ZNF804A: variants seen among roughly 807,000 people sequenced by gnomAD.
The protein encoded by ZNF804A is zinc finger protein 804A.
Under a neutral mutation model 16.5 loss-of-function variants are expected in ZNF804A, and 2 were observed. That is an observed-to-expected ratio of 0.12 (90% CI 0.05 to 0.38). ZNF804A has a LOEUF of 0.38. ZNF804A is among the 10% of genes least tolerant of loss of function. ZNF804A has a pLI of 0.99. For synonymous variants in ZNF804A, 534 were observed against 489.6 expected (o/e 1.09, Z -1.20); for missense variants, 1,473 against 1,390.7 (o/e 1.06, Z -0.94).
intron 1 of ZNF804A, among the ~76,000 whole-genome samples, chr2:184,811,882 G>A (rs1694907789): frequency 6.6e-6 from 1 of 152,160 alleles, no homozygotes; most frequent in African/African-American, 2.4e-5. Context: ...TAGCTTTGCA[G>A]ATTAATTCAG....
intron 1 of ZNF804A, among the ~76,000 whole-genome samples, chr2:184,760,430 T>C (rs937366000): frequency 1.3e-5 from 2 of 152,144 alleles, no homozygotes; most frequent in African/African-American, 4.8e-5. Flanking sequence ...AAATTTCAGA[T>C]TTCACTTTGA....
At chr2:184,680,140 G>A (rs1275018652) in intron 1 of ZNF804A, among the ~76,000 whole-genome samples, 1 of 152,188 alleles carries the variant, frequency 6.6e-6, no homozygotes, top group Non-Finnish European at 1.5e-5. Flanking sequence ...GCTGAGAGCT[G>A]AACAGACATC....
intron 2 of ZNF804A, among the ~76,000 whole-genome samples, chr2:184,891,009 T>C (rs1684976324): frequency 6.6e-6 from 1 of 152,094 alleles, no homozygotes; most frequent in Non-Finnish European, 1.5e-5. Context: ...ATACCACCAT[T>C]GTGAGAACAA....
chr2:184,733,126 A>T (rs1693547218), intron 1 of ZNF804A, among the ~76,000 whole-genome samples: 1 of 152,068 alleles, frequency 6.6e-6, no homozygotes, highest in African/African-American at 2.4e-5. Flanking sequence ...GAAGGCTTTG[A>T]GTTTCTCACC....
chr2:184,852,989 A>G (rs888015251), intron 1 of ZNF804A, among the ~76,000 whole-genome samples: 3 of 151,696 alleles, frequency 2.0e-5, no homozygotes, highest in Non-Finnish European at 4.4e-5. Flanking sequence ...ATGTCATTGG[A>G]ATTGTATAAT....
At chr2:184,899,931 A>G (rs527814240) in intron 2 of ZNF804A, among the ~76,000 whole-genome samples, 38 of 152,188 alleles carry the variant, frequency 2.5e-4, no homozygotes, top group Non-Finnish European at 4.0e-4. Context: ...TAAGATAAAT[A>G]CAATTATTTT....
Position 184,652,521 on chromosome 2 carries a change from A to G in ZNF804A, c.111+53451A>G, listed in dbSNP as rs78272648. Reference sequence around the variant, plus strand: ...TAAAACTTTTTTACTAATTCATTGGATTTTGAGAATGGGAGTTTTTGGTGA... The same window carrying G: ...TAAAACTTTTTTACTAATTCATTGGGTTTTGAGAATGGGAGTTTTTGGTGA... On this transcript the variant is annotated intron_variant, in intron 1 of 3. Transcript: ENST00000302277. 1.1e-4 allele frequency among the ~76,000 whole-genome samples: 16 copies of G among 152,206 alleles called. No individual in the cohort carries two copies. The East Asian group carries it at 3.1e-3, about 29-fold the overall frequency.
intron 1 of ZNF804A, among the ~76,000 whole-genome samples, chr2:184,732,412 C>T (rs1693535480): frequency 6.6e-6 from 1 of 151,986 alleles, no homozygotes; most frequent in Admixed American, 6.6e-5. Context: ...ATTTTTTCAC[C>T]AATACTACAC....
rs749835146 is a variant in ZNF804A at position 184,936,585 on chromosome 2, G to A, written c.1189G>A (p.Glu397Lys). Residue 397 changes from glutamate (E) to lysine (K), a missense_variant, in exon 4 of 4, where the codon GAG (glutamate) becomes AAG (lysine). Transcript: ENST00000302277. The stretch of plus-strand genomic sequence containing the variant: ...TGAGGTTGAAAATAAAAATGGTCCC[G>A]AGACATTGGCCCCTTCAAATACTGA... The part of the protein sequence containing the change: ...TTEVENKNGP[E>K]TLAPSNTEEV... 83 of 1,613,810 alleles carry A rather than the reference G, an allele frequency of 5.1e-5. 1 individual carries two copies. The highest frequency in any genetic ancestry group is 1.2e-4 in the South Asian group (11 of 91,078).
chr2:184,762,626 G>A (rs1450290795), intron 1 of ZNF804A, among the ~76,000 whole-genome samples: 1 of 151,890 alleles, frequency 6.6e-6, no homozygotes, highest in African/African-American at 2.4e-5. Context: ...TAACATTAAT[G>A]AAGGCTGTAT....
Position 184,866,387 on chromosome 2 carries a change from A to G in ZNF804A, c.130A>G (p.Asn44Asp), listed in dbSNP as rs759924979. 1.2e-6 allele frequency: 2 copies of G among 1,613,294 alleles called. No individual in the cohort carries two copies. Among genetic ancestry groups the G allele is most frequent in the South Asian group, 2.2e-5 (2 of 91,058 alleles). The change falls in exon 2 of 4, where the codon AAT becomes GAT. Residue 44 changes from asparagine to aspartate, a missense_variant. Asn to Asp is a conservative substitution (Grantham distance 23). Transcript: ENST00000302277. ...NKTLDYAEKENTIAKALEDLK... is the reference protein window; with the variant it reads ...NKTLDYAEKEDTIAKALEDLK... ...TTTTCAGGACTATGCTGAGAAGGAA[A>G]ATACCATAGCAAAAGCTCTGGAAGA...
At position 184,768,267 on chromosome 2, in the gene ZNF804A, T is replaced by C. The variant is rs1694160448; in HGVS notation, c.112-98102T>C. 2.0e-5 allele frequency among the ~76,000 whole-genome samples: 3 copies of C among 152,216 alleles called. No individual in the cohort carries two copies. The South Asian group carries it at 6.2e-4, about 32-fold the overall frequency. On this transcript the variant is annotated intron_variant, in intron 1 of 3. Transcript: ENST00000302277. ...TGTATGCAAATACCATGCCATTTTA[T>C]ATAAGGGACTTAGCATCCTTGAATT...
intron 1 of ZNF804A, among the ~76,000 whole-genome samples, chr2:184,852,464 CTTT>C (rs550514423): frequency 9.0e-6 from 1 of 110,764 alleles, no homozygotes; most frequent in Non-Finnish European, 1.9e-5. Flanking sequence ...TTTGACTATG[CTTT>C]TTTTTTTTTT....
chr2:184,939,193 C>T lies in ZNF804A; in HGVS notation c.*167C>T. 1.3e-6 allele frequency: 1 copy of T among 754,542 alleles called. No individual in the cohort carries two copies. Among genetic ancestry groups the T allele is most frequent in the South Asian group, 2.1e-5 (1 of 48,444 alleles). The allele number at this position is 754,542 out of a possible 1,614,324, so 46.7% of individuals were successfully genotyped here. A position where few individuals can be genotyped will look rare whatever the true frequency, so the allele number is the denominator to read the frequency against. On this transcript the variant is annotated 3_prime_UTR_variant, in exon 4 of 4. Transcript: ENST00000302277. ...TGTAAGTGCAATGATGCAAATAAAT[C>T]CCTAAGTTTCTGATATATAATATTA... is the stretch of plus-strand genomic sequence containing the variant.
At chr2:184,609,863 T>G (rs1691208751) in intron 1 of ZNF804A, among the ~76,000 whole-genome samples, 1 of 152,222 alleles carries the variant, frequency 6.6e-6, no homozygotes, top group South Asian at 2.1e-4. Context: ...ATTGTCTTGT[T>G]TGTGCCCCTC....
rs1558974950 is a variant in ZNF804A, at chr2:184,829,923, CA to C, written c.112-36441del. 8.3e-4 allele frequency among the ~76,000 whole-genome samples: 55 copies of C among 66,474 alleles called. 1 individual carries two copies. The Middle Eastern group carries it at 0.026, about 31-fold the overall frequency. 43.6% of individuals were successfully genotyped at this position (66,474 alleles called of 152,430 possible). On this transcript the variant is annotated intron_variant, in intron 1 of 3. Transcript: ENST00000302277. ...CCAAAAAAAAAAAAAAAAAAAAAAACAAAAACAAAAAAAAAAAAACCACACA... is the reference window on the plus strand; with the variant it reads ...CCAAAAAAAAAAAAAAAAAAAAAAACAAAACAAAAAAAAAAAAACCACACA...
intron 1 of ZNF804A, among the ~76,000 whole-genome samples, chr2:184,619,810 T>G (rs1691388602): frequency 6.6e-6 from 1 of 151,882 alleles, no homozygotes; most frequent in Non-Finnish European, 1.5e-5. Context: ...ACTATAAACA[T>G]ATTTTACAAA....
intron 1 of ZNF804A, among the ~76,000 whole-genome samples, chr2:184,816,117 G>T (rs1317627345): frequency 2.6e-5 from 4 of 151,974 alleles, no homozygotes; most frequent in Non-Finnish European, 4.4e-5. Flanking sequence ...GGCAATAAAA[G>T]ACTCCAGAGA....
At chr2:184,868,215 C>G (rs529196386) in intron 2 of ZNF804A, among the ~76,000 whole-genome samples, 357 of 152,088 alleles carry the variant, frequency 2.3e-3, no homozygotes, top group African/African-American at 8.1e-3. Context: ...ACAGCACAGT[C>G]CTAATTGATT....
Sources: gnomAD v4.1 joint callset for allele counts (sites outside exome capture counted in the v4.1 genomes callset) on GRCh38, gnomAD v4.1.1 for gene constraint, MANE v1.5 for transcripts, NCBI Gene and HGNC (gene_info 2026-07-23, HGNC 2026-07-21) for gene names.